PAK3: variants seen among roughly 807,000 people sequenced by gnomAD.
The protein encoded by PAK3 is p21 (RAC1) activated kinase 3, also known as serine/threonine-protein kinase PAK 3.
A neutral mutation model predicts 41.0 loss-of-function variants in PAK3; 4 were observed. That is an observed-to-expected ratio of 0.10 (90% confidence interval 0.05 to 0.22). The LOEUF (loss-of-function observed/expected upper bound fraction) is 0.22, where lower values mean the gene tolerates loss of function less well. Ranked by LOEUF, PAK3 falls within the 10% of genes least tolerant of loss-of-function variation. The probability of loss-of-function intolerance (pLI) is 1.00; values close to 1 mark genes in which losing one functional copy is unlikely to be tolerated. For missense variants in PAK3, 205 were observed against 409.9 expected, an observed-to-expected ratio of 0.50 and a Z score of 4.32; for synonymous variants, 146 against 139.6, an observed-to-expected ratio of 1.05 and a Z score of -0.32.
chrX:111,145,153 G>T (rs2093926788), intron 6 of PAK3, among the ~76,000 whole-genome samples: 1 of 112,017 alleles, frequency 8.9e-6, no homozygotes, highest in Non-Finnish European at 1.9e-5. Flanking sequence ...GGCATAATGA[G>T]ATGGCTTTAT....
At chrX:111,193,480 G>A (rs927193234) in intron 13 of PAK3, among the ~76,000 whole-genome samples, 7 of 109,206 alleles carry the variant, frequency 6.4e-5, no homozygotes, top group African/African-American at 2.3e-4. Flanking sequence ...CTCCCAAGGA[G>A]CTGGGATTAC....
At chrX:111,137,224 A>G (rs1320114492) in intron 5 of PAK3, among the ~76,000 whole-genome samples, 1 of 111,559 alleles carries the variant, frequency 9.0e-6, no homozygotes, top group African/African-American at 3.3e-5. Flanking sequence ...TGGAGTAAAA[A>G]AAGAGAAAGT....
intron 17 of PAK3, among the ~76,000 whole-genome samples, chrX:111,219,175 G>A (rs1247274542): frequency 3.1e-5 from 3 of 95,328 alleles, no homozygotes; most frequent in African/African-American, 1.1e-4. Flanking sequence ...GGGCAACAGA[G>A]CAAGAGTCCA....
intron 8 of PAK3, among the ~76,000 whole-genome samples, chrX:111,159,002 A>G (rs2094139416): frequency 9.0e-6 from 1 of 111,662 alleles, no homozygotes; most frequent in Admixed American, 9.5e-5. Context: ...AATAGACTGT[A>G]TATACTCTCA....
chrX:110,946,551 A>G (rs781036228), intron 1 of PAK3, among the ~76,000 whole-genome samples: 115 of 112,641 alleles, frequency 1.0e-3, no homozygotes, highest in Middle Eastern at 4.6e-3. Flanking sequence ...AAAAGGATTC[A>G]TAATCAGATT....
intron 1 of PAK3, among the ~76,000 whole-genome samples, chrX:111,017,125 G>C (rs1252694965): frequency 9.0e-6 from 1 of 111,345 alleles, no homozygotes; most frequent in African/African-American, 3.3e-5. Flanking sequence ...CATTGAGAAA[G>C]AAGTTCTTAA....
intron 8 of PAK3, chrX:111,152,654 T>C (rs777690538): frequency 5.6e-5 from 19 of 338,766 alleles, no homozygotes; most frequent in Admixed American, 1.5e-4. Context: ...ATCACCACAA[T>C]TGAGTTTTAG....
intron 1 of PAK3, among the ~76,000 whole-genome samples, chrX:110,995,383 C>A (rs2091723333): frequency 9.0e-6 from 1 of 111,241 alleles, no homozygotes; most frequent in African/African-American, 3.3e-5. Flanking sequence ...GCTATAGAAT[C>A]TTAGCTTTGG....
chrX:111,021,511 A>G (rs756047541), intron 1 of PAK3, among the ~76,000 whole-genome samples: 1 of 111,608 alleles, frequency 9.0e-6, no homozygotes, highest in East Asian at 2.9e-4. Flanking sequence ...TTAAGGGAGC[A>G]CCCATGAGAC....
At chrX:111,140,796 T>C (rs188652705) in intron 5 of PAK3, among the ~76,000 whole-genome samples, 1 of 111,630 alleles carries the variant, frequency 9.0e-6, no homozygotes, top group East Asian at 2.8e-4. Flanking sequence ...CCCATATCTC[T>C]GTCCTGTGGC....
At chrX:111,044,147 T>C (rs749933609) in intron 1 of PAK3, among the ~76,000 whole-genome samples, 1 of 112,222 alleles carries the variant, frequency 8.9e-6, no homozygotes, top group South Asian at 3.8e-4. Context: ...GCAGGTAGAC[T>C]GGGAGGCTAA....
At chrX:111,129,228 T>C (rs1442944185) in intron 5 of PAK3, among the ~76,000 whole-genome samples, 1 of 111,797 alleles carries the variant, frequency 8.9e-6, no homozygotes, top group Non-Finnish European at 1.9e-5. Flanking sequence ...TCTTTGGTGA[T>C]ACTGGAGACC....
At chrX:111,039,348 T>G (rs1218264022) in intron 1 of PAK3, among the ~76,000 whole-genome samples, 5 of 112,412 alleles carry the variant, frequency 4.4e-5, no homozygotes, top group Non-Finnish European at 9.4e-5. Flanking sequence ...TCTCCTCATT[T>G]GTGAGGTCCC....
chrX:110,979,961 C>G (rs747727138), intron 1 of PAK3, among the ~76,000 whole-genome samples: 18 of 111,943 alleles, frequency 1.6e-4, no homozygotes, highest in Admixed American at 1.5e-3. Context: ...AGGCAGAATT[C>G]AGTTTCTTTG....
At chrX:111,025,593 A>T (rs779434815) in intron 1 of PAK3, among the ~76,000 whole-genome samples, 1 of 111,290 alleles carries the variant, frequency 9.0e-6, no homozygotes, top group African/African-American at 3.3e-5. Context: ...TAAACCAGGA[A>T]GATACAGAAT....
chrX:111,206,061 TG>T (rs1289417465), intron 16 of PAK3, among the ~76,000 whole-genome samples: 1 of 111,189 alleles, frequency 9.0e-6, no homozygotes, highest in East Asian at 2.8e-4. Context: ...CCAGGAGCAA[TG>T]GAGCAGTCAC....
At chrX:110,964,327 T>C (rs73541395) in intron 1 of PAK3, among the ~76,000 whole-genome samples, 1,707 of 112,260 alleles carry the variant, frequency 0.015, 32 homozygotes, top group African/African-American at 0.051. Context: ...TCTAAAACTC[T>C]AATTCGTGTA....
chrX:111,007,006 G>GC (rs1319880829), intron 1 of PAK3, among the ~76,000 whole-genome samples: 1 of 108,486 alleles, frequency 9.2e-6, no homozygotes, highest in Non-Finnish European at 1.9e-5. Context: ...GAGTTACCAT[G>GC]CCCCCCTGAG....
At chrX:111,152,291 T>C in intron 7 of PAK3, 119 bp from the exon 8 acceptor site, 1 of 521,954 alleles carries the variant, frequency 1.9e-6, no homozygotes, top group Non-Finnish European at 3.4e-6. Context: ...TAATACTAAA[T>C]TGGAGCATTT....
Sources: gnomAD v4.1 joint callset for allele counts (sites outside exome capture counted in the v4.1 genomes callset) on GRCh38, gnomAD v4.1.1 for gene constraint, MANE v1.5 for transcripts, NCBI Gene and HGNC (gene_info 2026-07-23, HGNC 2026-07-21) for gene names.